SIPA1L3: variants seen among roughly 807,000 people sequenced by gnomAD.
The protein encoded by SIPA1L3 is signal induced proliferation associated 1 like 3.
In SIPA1L3, 59 loss-of-function variants were observed where a neutral mutation model predicts 150.1. The ratio of observed to expected loss-of-function variants is 0.39; its 90% CI spans 0.32 to 0.49. The LOEUF (loss-of-function observed/expected upper bound fraction) is 0.49, where lower values mean the gene tolerates loss of function less well. Among genes scored for constraint, SIPA1L3 ranks in the 20% least tolerant of loss-of-function variants. The probability of loss-of-function intolerance (pLI) is 0.86; values close to 1 mark genes in which losing one functional copy is unlikely to be tolerated. For missense variants in SIPA1L3, 2,211 were observed against 2,489.5 expected (o/e 0.89, Z 2.38); for synonymous variants, 1,070 against 1,077.6 (o/e 0.99, Z 0.14).
At chr19:38,193,133 G>T (rs1305857880) in intron 17 of SIPA1L3, among the ~76,000 whole-genome samples, 1 of 151,854 alleles carries the variant, frequency 6.6e-6, no homozygotes, top group African/African-American at 2.4e-5. Flanking sequence ...CTTGAGCCCA[G>T]GAGTTCAAGA....
chr19:37,989,752 G>A (rs1967452337), intron 1 of SIPA1L3, among the ~76,000 whole-genome samples: 1 of 145,320 alleles, frequency 6.9e-6, no homozygotes, highest in African/African-American at 2.6e-5. Flanking sequence ...TGCAACCTCC[G>A]CCTCCTGGGT....
chr19:38,084,548 TAAA>T (rs60242010), intron 3 of SIPA1L3, among the ~76,000 whole-genome samples: 3 of 93,516 alleles, frequency 3.2e-5, no homozygotes, highest in Non-Finnish European at 4.0e-5. Flanking sequence ...GGGCTTTTCT[TAAA>T]AAAAAAAAAA....
chr19:38,173,948 G>A (rs1215010754), intron 15 of SIPA1L3, among the ~76,000 whole-genome samples: 2 of 149,130 alleles, frequency 1.3e-5, no homozygotes. Flanking sequence ...GGAGGAGCTG[G>A]GGGCAGAGAA....
intron 7 of SIPA1L3, chr19:38,108,622 G>A (rs1026832848): frequency 2.0e-5 from 3 of 152,234 alleles, no homozygotes; most frequent in Non-Finnish European, 4.4e-5. Context: ...AGCTCCGTGG[G>A]ACTCCCGTCC....
At chr19:38,166,017 C>T (rs1394840068) in intron 15 of SIPA1L3, among the ~76,000 whole-genome samples, 2 of 152,166 alleles carry the variant, frequency 1.3e-5, no homozygotes, top group Non-Finnish European at 2.9e-5. Flanking sequence ...CCCACCTCAG[C>T]CTCCCAAATT....
rs66830496 is a variant in SIPA1L3 at position 38,078,438 on chromosome 19, GCACA to G, written c.-310-2789_-310-2786del. On this transcript the variant is annotated intron_variant, in intron 2 of 21. Transcript: ENST00000222345. ...AGCCCCCCTACACATGCGCATACAT[GCACA>G]CACACACACACACACACACACACAC... Among the ~76,000 whole-genome samples the G allele has an allele frequency of 6.5e-3, 904 of 138,966 alleles. 5 individuals are homozygous for G. Among genetic ancestry groups the G allele is most frequent in the African/African-American group, 7.3e-3 (271 of 36,896 alleles). 91.2% of individuals were successfully genotyped at this position (138,966 alleles called of 152,430 possible).
At chr19:38,137,987 C>T (rs1457725111) in intron 10 of SIPA1L3, among the ~76,000 whole-genome samples, 2 of 151,958 alleles carry the variant, frequency 1.3e-5, no homozygotes, top group Non-Finnish European at 2.9e-5. Flanking sequence ...AAAAATTAGC[C>T]AGGCATGGTG....
intron 1 of SIPA1L3, among the ~76,000 whole-genome samples, chr19:37,958,836 G>C (rs1004344154): frequency 1.3e-5 from 2 of 152,188 alleles, no homozygotes; most frequent in African/African-American, 4.8e-5. Flanking sequence ...CTCACAACTT[G>C]ACAATATAAA....
At chr19:38,034,698 G>C (rs895725556) in intron 2 of SIPA1L3, among the ~76,000 whole-genome samples, 1 of 152,188 alleles carries the variant, frequency 6.6e-6, no homozygotes, top group Admixed American at 6.5e-5. Context: ...CACTGGTTCA[G>C]GTCTAGTCCT....
At chr19:38,204,242 T>C in intron 21 of SIPA1L3, 34 bp downstream of exon 21, 1 of 1,532,624 alleles carries the variant, frequency 6.5e-7, no homozygotes, top group Non-Finnish European at 8.8e-7. Flanking sequence ...TCCATCCCAC[T>C]TCCCAGACAC....
intron 13 of SIPA1L3, among the ~76,000 whole-genome samples, chr19:38,155,371 C>T (rs918653926): frequency 3.3e-5 from 5 of 152,182 alleles, no homozygotes; most frequent in Admixed American, 2.6e-4. Flanking sequence ...CCACCGCACC[C>T]GGCTGGCTTT....
At chr19:38,183,290 G>A (rs1209608027) in intron 16 of SIPA1L3, among the ~76,000 whole-genome samples, 1 of 151,786 alleles carries the variant, frequency 6.6e-6, no homozygotes, top group African/African-American at 2.4e-5. Context: ...TGCGTGTGGG[G>A]AACAGCCTGC....
chr19:38,017,022 G>A (rs1317031406), intron 1 of SIPA1L3, among the ~76,000 whole-genome samples: 1 of 149,128 alleles, frequency 6.7e-6, no homozygotes, highest in Non-Finnish European at 1.5e-5. Flanking sequence ...TCAGCCTCCT[G>A]AGTAGCTGAG....
At chr19:37,918,087 T>C (rs2046427944) in intron 1 of SIPA1L3, among the ~76,000 whole-genome samples, 1 of 151,986 alleles carries the variant, frequency 6.6e-6, no homozygotes, top group Non-Finnish European at 1.5e-5. Flanking sequence ...ACCTGAATGA[T>C]TGAGAGGTCC....
intron 1 of SIPA1L3, among the ~76,000 whole-genome samples, chr19:38,015,314 TTACTGATGACG>T (rs1355111336): frequency 2.0e-5 from 3 of 152,204 alleles, no homozygotes; most frequent in African/African-American, 7.2e-5. Context: ...TACTTTTGAC[TTACTGATGACG>T]AAGCAATGAT....
intron 2 of SIPA1L3, among the ~76,000 whole-genome samples, chr19:38,064,008 C>G (rs1969512010): frequency 6.6e-6 from 1 of 152,224 alleles, no homozygotes; most frequent in African/African-American, 2.4e-5. Flanking sequence ...CTTTCAGGCC[C>G]CTCGCCTGAC....
At chr19:38,175,427 T>C (rs1972416484) in intron 15 of SIPA1L3, among the ~76,000 whole-genome samples, 1 of 152,320 alleles carries the variant, frequency 6.6e-6, no homozygotes, top group Non-Finnish European at 1.5e-5. Flanking sequence ...GTATGATTTC[T>C]CTACCCAGCC....
chr19:37,925,508 G>A (rs1017655784), intron 1 of SIPA1L3, among the ~76,000 whole-genome samples: 2 of 151,834 alleles, frequency 1.3e-5, no homozygotes, highest in Admixed American at 1.3e-4. Flanking sequence ...GGAGATATTT[G>A]CAGATCTCTT....
chr19:38,026,449 A>G (rs1266812940), intron 1 of SIPA1L3, among the ~76,000 whole-genome samples: 1 of 152,078 alleles, frequency 6.6e-6, no homozygotes, highest in African/African-American at 2.4e-5. Flanking sequence ...CCAGACTTGG[A>G]TCATATGACC....
Sources: gnomAD v4.1 joint callset for allele counts (sites outside exome capture counted in the v4.1 genomes callset) on GRCh38, gnomAD v4.1.1 for gene constraint, MANE v1.5 for transcripts, NCBI Gene and HGNC (gene_info 2026-07-23, HGNC 2026-07-21) for gene names.